Variants in RBBP8 observed in about 807,000 individuals in gnomAD.
RBBP8 encodes the protein RB binding protein 8, endonuclease, also known as DNA endonuclease RBBP8.
RBBP8 carries 88 observed loss-of-function variants against 108.3 expected under a neutral mutation model. That is an observed-to-expected ratio of 0.81 (90% CI 0.68 to 0.97). RBBP8 has a LOEUF of 0.97. Among genes scored for constraint, RBBP8 ranks in the 50% least tolerant of loss-of-function variants. The pLI is 0.00. For synonymous variants in RBBP8, 332 were observed against 348.2 expected (o/e 0.95, Z 0.52); for missense variants, 1,023 against 1,049.0 (o/e 0.98, Z 0.34).
chr18:22,962,460 A>G (rs1358954923), intron 4 of RBBP8, among the ~76,000 whole-genome samples: 1 of 152,132 alleles, frequency 6.6e-6, no homozygotes, highest in Non-Finnish European at 1.5e-5. Context: ...TCAATAGCCT[A>G]TTTAAAATTG....
At chr18:23,017,431 AT>A (rs1568005780) in intron 17 of RBBP8, among the ~76,000 whole-genome samples, 1 of 151,728 alleles carries the variant, frequency 6.6e-6, no homozygotes, top group Non-Finnish European at 1.5e-5. Context: ...AGGCGGGCGG[AT>A]CACGAGGTAA....
intron 4 of RBBP8, among the ~76,000 whole-genome samples, chr18:22,960,511 A>G (rs557361599): frequency 1.3e-5 from 2 of 152,312 alleles, no homozygotes; most frequent in South Asian, 2.1e-4. Context: ...ATGCCACTGC[A>G]CTCCAGCCTG....
chr18:22,972,454 C>T (rs1453158880), intron 5 of RBBP8, among the ~76,000 whole-genome samples: 1 of 146,750 alleles, frequency 6.8e-6, no homozygotes, highest in Non-Finnish European at 1.5e-5. Context: ...TGCTCTGTCT[C>T]CTAGGCTGGA....
intron 15 of RBBP8, among the ~76,000 whole-genome samples, chr18:23,002,756 C>T (rs981606416): frequency 2.6e-5 from 4 of 152,080 alleles, no homozygotes; most frequent in African/African-American, 9.7e-5. Flanking sequence ...TGATTATGCT[C>T]ATGTTTCCAT....
At chr18:22,955,603 A>C (rs1598659420) in intron 4 of RBBP8, among the ~76,000 whole-genome samples, 1 of 147,200 alleles carries the variant, frequency 6.8e-6, no homozygotes, top group Admixed American at 6.8e-5. Flanking sequence ...TTTGAGACAG[A>C]GTCTTGCTCT....
chr18:22,985,133 A>C lies in RBBP8; in HGVS notation c.709+143A>C, dbSNP rs1915229759. Reference sequence around the variant, plus strand: ...ATATTACTAGTTTACTATCTTTTTCATATTGGAAAGTAATGTTATCCTATT... The same window carrying C: ...ATATTACTAGTTTACTATCTTTTTCCTATTGGAAAGTAATGTTATCCTATT... On this transcript the variant is annotated intron_variant, in intron 8 of 18. Coordinates refer to ENST00000327155, the MANE Select transcript of RBBP8 (RefSeq NM_002894.3). 5 of 1,123,822 alleles carry C rather than the reference A, an allele frequency of 4.4e-6. No homozygotes were observed. The East Asian group carries it at 8.7e-5, about 19-fold the overall frequency. 69.6% of individuals were successfully genotyped at this position (1,123,822 alleles called of 1,614,324 possible). A position where few individuals can be genotyped will look rare whatever the true frequency, so the allele number is the denominator to read the frequency against.
intron 15 of RBBP8, among the ~76,000 whole-genome samples, chr18:23,002,568 T>G (rs557402441): frequency 6.6e-6 from 1 of 152,272 alleles, no homozygotes; most frequent in South Asian, 2.1e-4. Context: ...AGGATAGCAA[T>G]CAGAAAAAGA....
At chr18:22,947,430 C>T (rs1289600086) in intron 3 of RBBP8, among the ~76,000 whole-genome samples, 3 of 151,686 alleles carry the variant, frequency 2.0e-5, no homozygotes, top group East Asian at 3.9e-4. Flanking sequence ...GAATGTGCTG[C>T]ATAGGTATGT....
At chr18:22,921,829 A>G (rs1909606318) in intron 3 of RBBP8, among the ~76,000 whole-genome samples, 1 of 152,204 alleles carries the variant, frequency 6.6e-6, no homozygotes, top group South Asian at 2.1e-4. Flanking sequence ...ACAGCAGCAA[A>G]ATGGACAATT....
At chr18:22,943,335 A>G in intron 2 of RBBP8, among the ~76,000 whole-genome samples, 1 of 151,998 alleles carries the variant, frequency 6.6e-6, no homozygotes, top group East Asian at 1.9e-4. Context: ...GCTACTTGAG[A>G]GGTTGAGGCA....
intron 18 of RBBP8, chr18:23,024,588 T>C (rs2046424829): frequency 6.6e-6 from 1 of 152,234 alleles, no homozygotes; most frequent in African/African-American, 2.4e-5. Context: ...TTTAAAATAC[T>C]GAGTTTTAGC....
Position 22,990,996 on chromosome 18 carries a change from T to A in RBBP8, c.867T>A (p.Asn289Lys). ...GDELYHCLEG[N>K]HKKQPFEEST... ...AGCTCTACCACTGTCTGGAAGGAAA[T>A]CACAAGAAACAGCCTTTTGAGGAAT... is the stretch of plus-strand genomic sequence containing the variant. The change falls in exon 10 of 19, where the codon AAT (asparagine) becomes AAA (lysine). Residue 289 changes from asparagine (N) to lysine (K), a missense_variant. Transcript: ENST00000327155. 3.7e-6 allele frequency: 6 copies of A among 1,613,766 alleles called. No individual in the cohort carries two copies. Among genetic ancestry groups the A allele is most frequent in the Non-Finnish European group, 5.1e-6 (6 of 1,179,828 alleles).
intron 16 of RBBP8, among the ~76,000 whole-genome samples, chr18:23,007,779 CT>C (rs1280768347): frequency 6.8e-6 from 1 of 147,920 alleles, no homozygotes; most frequent in Non-Finnish European, 1.5e-5. Flanking sequence ...ATTTTTGAAT[CT>C]TTAAAAACAA....
intron 14 of RBBP8, 93 bp downstream of exon 14, chr18:22,997,827 C>A: frequency 1.2e-6 from 1 of 868,922 alleles, no homozygotes. Flanking sequence ...GTGACCTCTT[C>A]ACCATAAAGC....
At chr18:23,006,227 A>G in intron 15 of RBBP8, 136 bp from the exon 16 acceptor site, 1 of 735,568 alleles carries the variant, frequency 1.4e-6, no homozygotes. Context: ...GAAAATTTAA[A>G]TGAGTTGCTC....
At chr18:22,950,288 A>G (rs1390180602) in intron 4 of RBBP8, among the ~76,000 whole-genome samples, 2 of 152,206 alleles carry the variant, frequency 1.3e-5, no homozygotes, top group African/African-American at 4.8e-5. Flanking sequence ...TACCTGCTAT[A>G]GTAAACAATA....
At chr18:23,007,589 C>T (rs1460432018) in intron 16 of RBBP8, among the ~76,000 whole-genome samples, 3 of 149,554 alleles carry the variant, frequency 2.0e-5, no homozygotes, top group African/African-American at 4.9e-5. Flanking sequence ...CTGTAGTCAC[C>T]GCTACTCAGG....
intron 2 of RBBP8, among the ~76,000 whole-genome samples, chr18:22,944,277 A>T (rs576689094): frequency 1.6e-4 from 25 of 152,350 alleles, no homozygotes; most frequent in African/African-American, 5.1e-4. Context: ...CTTACCAGAT[A>T]AAAGAGTAGT....
intron 8 of RBBP8, among the ~76,000 whole-genome samples, chr18:22,985,783 G>A (rs1445707164): frequency 6.6e-6 from 1 of 152,160 alleles, no homozygotes; most frequent in East Asian, 1.9e-4. Context: ...ATTTAGAGAA[G>A]TTGAGGATGG....
Sources: gnomAD v4.1 joint callset for allele counts (sites outside exome capture counted in the v4.1 genomes callset) on GRCh38, gnomAD v4.1.1 for gene constraint, MANE v1.5 for transcripts, NCBI Gene and HGNC (gene_info 2026-07-23, HGNC 2026-07-21) for gene names.